The following PPIP5K2 variants were observed in gnomAD, a reference collection of about 807,000 sequenced individuals.
The protein encoded by PPIP5K2 is diphosphoinositol pentakisphosphate kinase 2.
PPIP5K2 carries 105 observed loss-of-function variants against 154.6 expected under a neutral mutation model. That is an observed-to-expected ratio of 0.68 (90% confidence interval 0.58 to 0.80). The LOEUF (loss-of-function observed/expected upper bound fraction) is 0.80, where lower values mean the gene tolerates loss of function less well. PPIP5K2 is among the 30% of genes least tolerant of loss of function. The probability of loss-of-function intolerance (pLI) is 0.00; values close to 1 mark genes in which losing one functional copy is unlikely to be tolerated. For synonymous variants in PPIP5K2, 480 were observed against 490.3 expected (o/e 0.98, Z 0.28); for missense variants, 992 against 1,504.6 (o/e 0.66, Z 5.64).
intron 1 of PPIP5K2, among the ~76,000 whole-genome samples, chr5:103,126,746 T>G (rs1284859914): frequency 4.3e-5 from 3 of 69,564 alleles, no homozygotes; most frequent in African/African-American, 1.0e-4. Context: ...CCTTTTCACG[T>G]TTTTTTTTTT....
intron 9 of PPIP5K2, among the ~76,000 whole-genome samples, chr5:103,151,694 G>C (rs1405163389): frequency 6.6e-6 from 1 of 151,956 alleles, no homozygotes; most frequent in Non-Finnish European, 1.5e-5. Context: ...AGTGGAAAAG[G>C]TTTTCTTCTA....
chr5:103,202,446 T>C lies in PPIP5K2; in HGVS notation c.*812T>C, dbSNP rs2149868991. On this transcript the variant is annotated 3_prime_UTR_variant, in exon 31 of 31. Transcript: ENST00000358359. Reference sequence around the variant, plus strand: ...TTACACTTACTTTCAGAGTTCTTTTTAGATCTAAAGAAGTCAGTTCAAAAA... The same window carrying C: ...TTACACTTACTTTCAGAGTTCTTTTCAGATCTAAAGAAGTCAGTTCAAAAA... 6.6e-6 allele frequency: 1 copy of C among 152,308 alleles called. No homozygotes were observed. The highest frequency in any genetic ancestry group is 1.5e-5 in the Non-Finnish European group (1 of 68,010). The allele number at this position is 152,308 out of a possible 1,614,324, so 9.4% of individuals were successfully genotyped here. A position where few individuals can be genotyped will look rare whatever the true frequency, so the allele number is the denominator to read the frequency against.
intron 25 of PPIP5K2, 88 bp downstream of exon 25, chr5:103,183,495 T>G: frequency 9.0e-7 from 1 of 1,116,280 alleles, no homozygotes; most frequent in Non-Finnish European, 1.3e-6. Context: ...ATCCCTTGTA[T>G]TTCACATCAG....
At chr5:103,180,348 C>A (rs1799319779) in intron 24 of PPIP5K2, among the ~76,000 whole-genome samples, 160 bp downstream of exon 24, 1 of 151,726 alleles carries the variant, frequency 6.6e-6, no homozygotes, top group African/African-American at 2.4e-5. Context: ...AATATAGAGG[C>A]AGTTCAAAAA....
chr5:103,187,336 T>A lies in PPIP5K2; in HGVS notation c.3312T>A (p.Val1104=), dbSNP rs1800549054. Residue 1104 remains valine (V), a synonymous_variant, in exon 28 of 31, where the codon GTT becomes GTA. Coordinates refer to ENST00000358359, the MANE Select transcript of PPIP5K2 (RefSeq NM_001276277.3). ...TAGACGCCACACGCGGTTCTGCTGT[T>A]AAAAGGTTTTCTATCTCATTTGCTC... ...CIDDATRGSA[V]KRFSISFARH... is the part of the protein sequence containing the mutation. 1 of 1,535,566 alleles carries A rather than the reference T, an allele frequency of 6.5e-7. No individual in the cohort carries two copies. The highest frequency in any genetic ancestry group is 8.7e-7 in the Non-Finnish European group (1 of 1,146,370).
intron 5 of PPIP5K2, among the ~76,000 whole-genome samples, chr5:103,140,595 A>G (rs1792401379): frequency 6.6e-6 from 1 of 152,076 alleles, no homozygotes; most frequent in Non-Finnish European, 1.5e-5. Context: ...CACGCCTGTA[A>G]TCCCAGCACT....
chr5:103,149,111 T>C (rs1554210349), intron 7 of PPIP5K2, 41 bp from the exon 8 acceptor site: 8 of 1,440,668 alleles, frequency 5.6e-6, no homozygotes, highest in Admixed American at 2.0e-5. Flanking sequence ...CACACACACA[T>C]ACATATATAT....
chr5:103,147,267 A>G (rs1236793446), intron 6 of PPIP5K2, among the ~76,000 whole-genome samples: 2 of 152,080 alleles, frequency 1.3e-5, no homozygotes, highest in African/African-American at 4.8e-5. Context: ...GGCAATTCAA[A>G]TTAAGAACAC....
intron 5 of PPIP5K2, 142 bp downstream of exon 5, chr5:103,138,611 A>C: frequency 2.1e-6 from 1 of 486,428 alleles, no homozygotes; most frequent in East Asian, 3.5e-5. Context: ...ACAGACAAAC[A>C]TATTCAATTA....
At chr5:103,133,025 A>T (rs1790893359) in intron 2 of PPIP5K2, among the ~76,000 whole-genome samples, 1 of 152,250 alleles carries the variant, frequency 6.6e-6, no homozygotes, top group Non-Finnish European at 1.5e-5. Flanking sequence ...CTACAATAAT[A>T]GTTTAATACT....
chr5:103,134,953 G>A (rs2149477552), intron 3 of PPIP5K2, among the ~76,000 whole-genome samples: 1 of 152,214 alleles, frequency 6.6e-6, no homozygotes, highest in East Asian at 1.9e-4. Context: ...GAATAAATCT[G>A]ATTTAACTGG....
intron 5 of PPIP5K2, among the ~76,000 whole-genome samples, chr5:103,140,957 G>C (rs1554206402): frequency 6.6e-6 from 1 of 152,166 alleles, no homozygotes; most frequent in Non-Finnish European, 1.5e-5. Flanking sequence ...TTATAGGACA[G>C]GATAGGAAAA....
chr5:103,169,745 A>G (rs1554219025), intron 19 of PPIP5K2, among the ~76,000 whole-genome samples: 1 of 151,768 alleles, frequency 6.6e-6, no homozygotes, highest in African/African-American at 2.4e-5. Flanking sequence ...TCATTCCCTG[A>G]CAATTTCTTT....
intron 5 of PPIP5K2, among the ~76,000 whole-genome samples, chr5:103,140,743 A>C (rs1309221184): frequency 6.6e-6 from 1 of 150,892 alleles, no homozygotes; most frequent in Non-Finnish European, 1.5e-5. Context: ...AGGCTGAGGC[A>C]GGAGAATGGC....
chr5:103,198,086 C>T (rs1554229155), intron 30 of PPIP5K2, among the ~76,000 whole-genome samples: 1 of 151,962 alleles, frequency 6.6e-6, no homozygotes, highest in African/African-American at 2.4e-5. Flanking sequence ...ATTGTATTTT[C>T]ATTATCATTC....
intron 24 of PPIP5K2, 117 bp downstream of exon 24, chr5:103,180,305 G>T: frequency 1.3e-6 from 1 of 766,204 alleles, no homozygotes; most frequent in Non-Finnish European, 1.8e-6. Flanking sequence ...ATTTTTAAAT[G>T]TTATTTAATC....
chr5:103,174,820 A>C (rs1798459403), intron 21 of PPIP5K2, among the ~76,000 whole-genome samples: 1 of 152,122 alleles, frequency 6.6e-6, no homozygotes, highest in African/African-American at 2.4e-5. Flanking sequence ...TTGTAAGAAG[A>C]GTATGTAGCA....
In PPIP5K2 at chr5:103,202,934, A is replaced by T. The variant is rs1406464901; in HGVS notation, c.*1300A>T. On this transcript the variant is annotated 3_prime_UTR_variant, in exon 31 of 31. Transcript: ENST00000358359. ...TCAAATGAGACTCTTCTCACCTTAA[A>T]TAGTCATATATTAATTAACTTATAG... The T allele has an allele frequency of 2.6e-5, 4 of 152,598 alleles. No homozygotes were observed. The highest frequency in any genetic ancestry group is 2.6e-4 in the Admixed American group (4 of 15,262). The allele number at this position is 152,598 out of a possible 1,614,324, so 9.5% of individuals were successfully genotyped here.
chr5:103,167,044 AAC>A (rs1797239655), intron 17 of PPIP5K2, 133 bp from the exon 18 acceptor site: 12 of 611,532 alleles, frequency 2.0e-5, no homozygotes, highest in Non-Finnish European at 3.1e-5. Context: ...TTCAAGGGTC[AAC>A]TGTATTTTGT....
Sources: allele counts gnomAD v4.1 joint callset (sites outside exome capture counted in the v4.1 genomes callset), GRCh38; gene constraint gnomAD v4.1.1; transcripts MANE v1.5; gene names NCBI Gene and HGNC (gene_info 2026-07-23, HGNC 2026-07-21).